The following TSPEAR variants were observed in gnomAD, a reference collection of about 807,000 sequenced individuals.
TSPEAR encodes thrombospondin-type laminin G domain and EAR repeat-containing protein.
Under a neutral mutation model 71.6 loss-of-function variants are expected in TSPEAR, and 69 were observed. The ratio of observed to expected loss-of-function variants is 0.96; its 90% CI spans 0.79 to 1.18. The LOEUF is 1.18. Ranked by LOEUF, TSPEAR falls within the 50% of genes most tolerant of loss-of-function variation. The pLI is 0.00. For missense variants in TSPEAR, 971 were observed against 894.9 expected, an observed-to-expected ratio of 1.09 and a Z score of -1.09; for synonymous variants, 402 against 387.2, an observed-to-expected ratio of 1.04 and a Z score of -0.45.
rs587671115 is a variant in TSPEAR at position 44,504,943 on chromosome 21, G to A, written c.1755-62C>T. On this transcript the variant is annotated intron_variant, in intron 10 of 11. Coordinates refer to ENST00000323084, the MANE Select transcript of TSPEAR (RefSeq NM_144991.3). The stretch of plus-strand genomic sequence containing the variant: ...GACATCGCCAGGGAACTGGGGGATT[G>A]GCCAGAAGCTACCTCCAAAATTTAT... The A allele has an allele frequency of 2.2e-5, 30 of 1,374,004 alleles. 1 individual carries two copies. The South Asian group carries it at 3.5e-4, about 16-fold the overall frequency. 85.1% of individuals were successfully genotyped at this position (1,374,004 alleles called of 1,614,324 possible). A position where few individuals can be genotyped will look rare whatever the true frequency, so the allele number is the denominator to read the frequency against.
chr21:44,612,163 C>T lies in TSPEAR; in HGVS notation c.83-44158G>A. ...CTGCATCCACCATGTCTGTCTGCTC[C>T]AGTGACGTGGGCCATGTCAGCCGAG... is the stretch of plus-strand genomic sequence containing the variant. On this transcript the variant is annotated intron_variant, in intron 1 of 11. Transcript: ENST00000323084. The surrounding 1 kb of genome is among the most constrained non-coding windows in gnomAD (Gnocchi z 4.1). The T allele has an allele frequency of 2.5e-6, 4 of 1,614,088 alleles. No homozygotes were observed. Among genetic ancestry groups the T allele is most frequent in the Non-Finnish European group, 3.4e-6 (4 of 1,180,008 alleles).
At chr21:44,627,713 C>CCTGCTGTGTGCCTGT (rs782058265) in intron 1 of TSPEAR, 1 of 1,599,504 alleles carries the variant, frequency 6.3e-7, no homozygotes, top group Non-Finnish European at 8.5e-7. Context: ...TGCCAGCAGT[C>CCTGCTGTGTGCCTGT]CTACTGTGTG....
chr21:44,567,730 C>T (rs587743828), intron 2 of TSPEAR, 55 bp downstream of exon 2: 276 of 1,468,406 alleles, frequency 1.9e-4, no homozygotes, highest in Non-Finnish European at 2.4e-4. Context: ...GTACTGGGAA[C>T]CTCACAAGGG....
rs1350377639 is a variant in TSPEAR at position 44,687,940 on chromosome 21, G to A, written c.82+23493C>T. On this transcript the variant is annotated intron_variant, in intron 1 of 11. Coordinates refer to ENST00000323084, the MANE Select transcript of TSPEAR (RefSeq NM_144991.3). This position sits in a 1 kb window ranked among gnomAD's most constrained non-coding sequence, Gnocchi z 4.4. ...CTGTGAAATATGATGCACTGACAGA[G>A]GCCGGCTCGGGGGTGAGTATCCGAT... is the stretch of plus-strand genomic sequence containing the variant. Among the ~76,000 whole-genome samples the A allele has an allele frequency of 1.3e-5, 2 of 152,238 alleles. No individual in the cohort carries two copies. Among genetic ancestry groups the A allele is most frequent in the African/African-American group, 4.8e-5 (2 of 41,446 alleles).
Position 44,638,857 on chromosome 21 carries a change from T to C in TSPEAR, c.83-70852A>G, listed in dbSNP as rs374485774. On this transcript the variant is annotated intron_variant, in intron 1 of 11. Coordinates refer to ENST00000323084, the MANE Select transcript of TSPEAR (RefSeq NM_144991.3). The stretch of plus-strand genomic sequence containing the variant: ...CCCCCCAGGCCTGGGGTAGACCACC[T>C]GGGGCCTGGCTCCACCCAGCAGCCT... 1.9e-3 allele frequency among the ~76,000 whole-genome samples: 293 copies of C among 151,358 alleles called. 1 individual carries two copies. The highest frequency in any genetic ancestry group is 6.4e-3 in the African/African-American group (262 of 41,250).
intron 1 of TSPEAR, chr21:44,682,112 G>A (rs1555948158): frequency 1.2e-5 from 20 of 1,613,736 alleles, no homozygotes; most frequent in Non-Finnish European, 1.7e-5. Context: ...AGGAGCAGCT[G>A]GTGTGGCACA....
intron 1 of TSPEAR, among the ~76,000 whole-genome samples, chr21:44,610,864 T>C (rs1555930689): frequency 6.6e-6 from 1 of 152,182 alleles, no homozygotes. Flanking sequence ...AGACCTGGAG[T>C]CAAACGAGAT....
chr21:44,511,799 G>GGCCCGGAGT lies in TSPEAR; in HGVS notation c.1567-2422_1567-2414dup, dbSNP rs587681671. On this transcript the variant is annotated intron_variant, in intron 9 of 11. Transcript: ENST00000323084. ...AGCCTGAAACTCCCTCTCAGGGAAA[G>GGCCCGGAGT]GCCCGGAGTGCCCGCCCTGTAGCAG... is the stretch of plus-strand genomic sequence containing the variant. 5.2e-5 allele frequency among the ~76,000 whole-genome samples: 8 copies of GGCCCGGAGT among 152,388 alleles called. No individual in the cohort carries two copies. The South Asian group carries it at 1.7e-3, about 32-fold the overall frequency.
chr21:44,524,825 T>C (rs1227039470), intron 8 of TSPEAR, among the ~76,000 whole-genome samples: 3 of 150,868 alleles, frequency 2.0e-5, no homozygotes, highest in Admixed American at 6.6e-5. Flanking sequence ...GTCAGGTAGT[T>C]AGTCAATCAG....
chr21:44,696,239 C>T (rs1296984475), intron 1 of TSPEAR, among the ~76,000 whole-genome samples: 1 of 152,210 alleles, frequency 6.6e-6, no homozygotes, highest in Non-Finnish European at 1.5e-5. Flanking sequence ...CAATCCCACA[C>T]CGCCATGTCT....
At chr21:44,535,806 T>C (rs2053079622) in intron 2 of TSPEAR, among the ~76,000 whole-genome samples, 2 of 151,024 alleles carry the variant, frequency 1.3e-5, no homozygotes, top group African/African-American at 4.9e-5. Flanking sequence ...CCTCAGGTGA[T>C]CCGCCCGCTT....
intron 9 of TSPEAR, among the ~76,000 whole-genome samples, chr21:44,521,455 G>C (rs1342983506): frequency 6.6e-6 from 1 of 152,200 alleles, no homozygotes; most frequent in Non-Finnish European, 1.5e-5. Flanking sequence ...CGGCCCCCAC[G>C]CTGCCCTGGG....
intron 1 of TSPEAR, chr21:44,580,100 G>A (rs782253831): frequency 2.0e-5 from 32 of 1,613,608 alleles, no homozygotes; most frequent in East Asian, 2.2e-5. Context: ...GCAGCAAGTC[G>A]GCTGGCAGCT....
intron 1 of TSPEAR, among the ~76,000 whole-genome samples, chr21:44,690,235 G>A (rs1239684705): frequency 6.6e-6 from 1 of 152,238 alleles, no homozygotes; most frequent in East Asian, 1.9e-4. Flanking sequence ...TCCCTGATGT[G>A]TGGGAGTCCC....
At chr21:44,665,178 A>T (rs1254008091) in intron 1 of TSPEAR, among the ~76,000 whole-genome samples, 1 of 152,242 alleles carries the variant, frequency 6.6e-6, no homozygotes, top group Non-Finnish European at 1.5e-5. Flanking sequence ...ACTACACAAT[A>T]GGTCCCTGAC....
At chr21:44,602,612 G>C (rs452002) in intron 1 of TSPEAR, among the ~76,000 whole-genome samples, 126,459 of 152,270 alleles carry the variant, frequency 0.83, 54,292 homozygotes, top group Non-Finnish European at 0.94. Context: ...GTACCATGTG[G>C]TTTAGGCCGA....
chr21:44,682,242 G>T, intron 1 of TSPEAR: 2 of 1,179,676 alleles, frequency 1.7e-6, no homozygotes, highest in Middle Eastern at 2.7e-4. Context: ...CACACCTGTT[G>T]TCTTCCTTGT....
chr21:44,580,116 G>T lies in TSPEAR; in HGVS notation c.83-12111C>A, dbSNP rs782775518. 9 of 1,613,754 alleles carry T rather than the reference G, an allele frequency of 5.6e-6. No individual in the cohort carries two copies. In the South Asian group the frequency reaches 9.9e-5, roughly 18 times the overall value. ...CAGCAAGTCGGCTGGCAGCTAGAAT[G>T]CTGGCAGCATGAAGAGGAATCCTCA... On this transcript the variant is annotated intron_variant, in intron 1 of 11. Coordinates refer to ENST00000323084, the MANE Select transcript of TSPEAR (RefSeq NM_144991.3).
intron 1 of TSPEAR, among the ~76,000 whole-genome samples, chr21:44,583,138 C>T (rs1009731348): frequency 6.6e-6 from 1 of 152,070 alleles, no homozygotes; most frequent in Non-Finnish European, 1.5e-5. Flanking sequence ...CCACTGCACC[C>T]GGCCAGATCA....
Sources: gnomAD v4.1 joint callset for allele counts (sites outside exome capture counted in the v4.1 genomes callset) on GRCh38, gnomAD v4.1.1 for gene constraint, Gnocchi (gnomAD v3.1) non-coding constraint, MANE v1.5 for transcripts, NCBI Gene and HGNC (gene_info 2026-07-23, HGNC 2026-07-21) for gene names.